The following EFHB variants were observed in gnomAD, a reference collection of about 807,000 sequenced individuals.
EFHB encodes the protein EF-hand domain family member B.
In EFHB, 91 loss-of-function variants were observed where a neutral mutation model predicts 87.2. That is an observed-to-expected ratio of 1.04 (90% confidence interval 0.88 to 1.24). The LOEUF is 1.24. Ranked by LOEUF, EFHB falls within the 50% of genes most tolerant of loss-of-function variation. The pLI, the probability that EFHB is intolerant of heterozygous loss-of-function variation, is 0.00. For synonymous variants in EFHB, 325 were observed against 333.6 expected (o/e 0.97, Z 0.28); for missense variants, 1,084 against 998.8 (o/e 1.09, Z -1.15).
At chr3:19,917,348 A>G (rs1695268552) in intron 4 of EFHB, among the ~76,000 whole-genome samples, 1 of 152,106 alleles carries the variant, frequency 6.6e-6, no homozygotes, top group South Asian at 2.1e-4. Flanking sequence ...ATATGATGCA[A>G]TAAGGTACAA....
intron 12 of EFHB, among the ~76,000 whole-genome samples, chr3:19,882,186 A>C (rs2071695757): frequency 6.6e-6 from 1 of 152,166 alleles, no homozygotes; most frequent in Admixed American, 6.5e-5. Context: ...TAGCAAAGTG[A>C]CCATCCTCAT....
intron 1 of EFHB, among the ~76,000 whole-genome samples, chr3:19,924,271 T>C (rs1038486168): frequency 1.1e-4 from 16 of 151,606 alleles, no homozygotes; most frequent in Non-Finnish European, 2.2e-4. Context: ...TGGAGTGCAG[T>C]TGTGTGATCT....
rs781483717 is a variant in EFHB at position 19,879,801 on chromosome 3, CAATCT to C, written c.2329-2_2331del. The C allele has an allele frequency of 6.3e-7, 1 of 1,578,008 alleles. No individual in the cohort carries two copies. Among genetic ancestry groups the C allele is most frequent in the South Asian group, 1.2e-5 (1 of 84,712 alleles). On this transcript the variant is annotated splice_acceptor_variant and coding_sequence_variant, in exon 13 of 13. Transcript: ENST00000295824. LOFTEE classifies it high-confidence loss of function. ...ACACCAATGTTACACAATATCTCTG[CAATCT>C]AGAAAAAGGCATTTAAAATAGACCA...
chr3:19,941,803 G>A lies in EFHB; in HGVS notation c.-32+5116C>T, dbSNP rs1696164580. Among the ~76,000 whole-genome samples, 3 of 150,828 alleles carry A rather than the reference G, an allele frequency of 2.0e-5. No homozygotes were observed. In the South Asian group the frequency reaches 6.3e-4, roughly 32 times the overall value. On this transcript the variant is annotated intron_variant, in intron 1 of 14. Coordinates refer to the EFHB transcript ENST00000344838. ...ACCCGGGAGGCAGAGGTTGCAGTGAGCCAAGATTGCGCCACTGCACTCCAG... is the reference window on the plus strand; with the variant it reads ...ACCCGGGAGGCAGAGGTTGCAGTGAACCAAGATTGCGCCACTGCACTCCAG...
At chr3:19,917,685 G>T (rs1374916468) in intron 4 of EFHB, among the ~76,000 whole-genome samples, 1 of 152,154 alleles carries the variant, frequency 6.6e-6, no homozygotes, top group Non-Finnish European at 1.5e-5. Flanking sequence ...CAACTCTAAT[G>T]AGTTATTTGT....
At chr3:19,943,481 T>C (rs1218178336) in intron 1 of EFHB, among the ~76,000 whole-genome samples, 1 of 152,188 alleles carries the variant, frequency 6.6e-6, no homozygotes, top group Non-Finnish European at 1.5e-5. Flanking sequence ...AAACAGGTAT[T>C]GAGTCCCTCC....
Position 19,896,756 on chromosome 3 carries a change from C to T in EFHB, c.1656G>A (p.Arg552=). Residue 552 remains arginine (R), a synonymous_variant, in exon 9 of 13, where the codon CGG becomes CGA. Coordinates refer to ENST00000295824, the MANE Select transcript of EFHB (RefSeq NM_144715.4). ...GGTAATTAACTTTCTTCAGGTGATG[C>T]CGAACTGCTGCAATCAGGGCTCGCT... ...DRQRALIAAV[R]HHLKKVNYQK... The T allele has an allele frequency of 3.1e-6, 5 of 1,613,808 alleles. No homozygotes were observed. The highest frequency in any genetic ancestry group is 4.2e-6 in the Non-Finnish European group (5 of 1,179,724).
chr3:19,921,913 C>G (rs1239078143), intron 1 of EFHB, among the ~76,000 whole-genome samples: 1 of 151,998 alleles, frequency 6.6e-6, no homozygotes. Flanking sequence ...ACCTGTAATC[C>G]CAGCACTTTG....
At chr3:19,936,538 T>G (rs1157476218), upstream of EFHB, among the ~76,000 whole-genome samples, 1 of 152,118 alleles carries the variant, frequency 6.6e-6, no homozygotes, top group South Asian at 2.1e-4. Context: ...CACTCTAGCC[T>G]GGGTGATACA....
intron 1 of EFHB, among the ~76,000 whole-genome samples, chr3:19,923,789 G>T (rs1695521165): frequency 1.3e-5 from 2 of 152,192 alleles, no homozygotes; most frequent in Admixed American, 1.3e-4. Flanking sequence ...ATAAACAAAA[G>T]AGATTACCTG....
intron 1 of EFHB, among the ~76,000 whole-genome samples, chr3:19,940,063 G>C (rs2364515): frequency 0.73 from 111,065 of 152,116 alleles, 41,265 homozygotes; most frequent in African/African-American, 0.79. Context: ...GGAATGATCT[G>C]TCCAATTCCT....
intron 12 of EFHB, among the ~76,000 whole-genome samples, chr3:19,881,752 A>G (rs1301867916): frequency 6.6e-6 from 1 of 152,064 alleles, no homozygotes; most frequent in African/African-American, 2.4e-5. Flanking sequence ...CCTTCATCTG[A>G]AGTCCGAAAA....
chr3:19,922,496 G>A (rs908660806), intron 1 of EFHB, among the ~76,000 whole-genome samples: 2 of 152,144 alleles, frequency 1.3e-5, no homozygotes, highest in Non-Finnish European at 2.9e-5. Flanking sequence ...GTAAGGTAGC[G>A]GGGCATTAAT....
chr3:19,906,228 C>T (rs571066310), intron 5 of EFHB, among the ~76,000 whole-genome samples: 19 of 152,148 alleles, frequency 1.2e-4, no homozygotes, highest in Admixed American at 3.3e-4. Context: ...ACTTCGGAGG[C>T]TGAGGCACGA....
chr3:19,914,514 T>C (rs766751819), intron 5 of EFHB, among the ~76,000 whole-genome samples: 1 of 152,152 alleles, frequency 6.6e-6, no homozygotes. Flanking sequence ...CTACTAGACA[T>C]GAAACTTTAA....
intron 3 of EFHB, among the ~76,000 whole-genome samples, chr3:19,918,812 TAAAAAA>T (rs58871755): frequency 1.5e-5 from 2 of 129,782 alleles, no homozygotes; most frequent in African/African-American, 5.5e-5. Context: ...CCATAACTAC[TAAAAAA>T]AAAAAAAAAA....
chr3:19,883,949 C>A (rs2071746141), intron 11 of EFHB, among the ~76,000 whole-genome samples: 1 of 152,182 alleles, frequency 6.6e-6, no homozygotes. Context: ...CAATAAAATT[C>A]TATTAAGACA....
intron 3 of EFHB, among the ~76,000 whole-genome samples, 181 bp from the exon 4 acceptor site, chr3:19,918,593 C>T (rs917286659): frequency 6.6e-6 from 1 of 152,006 alleles, no homozygotes; most frequent in Non-Finnish European, 1.5e-5. Flanking sequence ...TTTAAACACG[C>T]CTACAAGAAC....
rs958034223 is a variant in EFHB at position 19,884,613 on chromosome 3, T to C, written c.1936A>G (p.Arg646Gly). 1.2e-6 allele frequency: 2 copies of C among 1,611,694 alleles called. No homozygotes were observed. The highest frequency in any genetic ancestry group is 1.7e-6 in the Non-Finnish European group (2 of 1,179,352). Residue 646 changes from arginine (R) to glycine (G), a missense_variant and splice_region_variant, in exon 11 of 13, where the codon AGA (arginine) becomes GGA (glycine). By Grantham distance (125) the Arg-to-Gly change is moderately radical. Coordinates refer to ENST00000295824, the MANE Select transcript of EFHB (RefSeq NM_144715.4). ...GTAGGGTTTACACAATCTGGTTTTC[T>C]ACCTTTAAGGAAAATAAATGAAAGA... is the stretch of plus-strand genomic sequence containing the variant. ...EYEERVIIKGRKPDCVNPTEA... is the reference protein window; with the variant it reads ...EYEERVIIKGGKPDCVNPTEA...
Sources: allele counts gnomAD v4.1 joint callset (sites outside exome capture counted in the v4.1 genomes callset), GRCh38; gene constraint gnomAD v4.1.1; transcripts MANE v1.5; gene names NCBI Gene and HGNC (gene_info 2026-07-23, HGNC 2026-07-21).